Variants in INO80D observed in about 807,000 individuals in gnomAD.
The protein encoded by INO80D is INO80 complex subunit D.
INO80D carries 21 observed loss-of-function variants against 87.6 expected under a neutral mutation model. That is an observed-to-expected ratio of 0.24 (90% CI 0.17 to 0.35). The LOEUF is 0.35. Ranked by LOEUF, INO80D falls within the 10% of genes least tolerant of loss-of-function variation. INO80D has a pLI of 1.00. For synonymous variants in INO80D, 440 were observed against 491.0 expected, an observed-to-expected ratio of 0.90 and a Z score of 1.37; for missense variants, 982 against 1,280.7, an observed-to-expected ratio of 0.77 and a Z score of 3.56.
intron 5 of INO80D, among the ~76,000 whole-genome samples, chr2:206,037,625 T>C (rs986875820): frequency 1.3e-5 from 2 of 152,206 alleles, no homozygotes; most frequent in African/African-American, 4.8e-5. Context: ...TTGGTGGGAA[T>C]GTAATTAGTA....
intron 5 of INO80D, among the ~76,000 whole-genome samples, chr2:206,031,391 C>T (rs1291245257): frequency 6.6e-6 from 1 of 152,058 alleles, no homozygotes; most frequent in Admixed American, 6.5e-5. Context: ...AAACAGAAGT[C>T]TCATTCATAG....
In INO80D at chr2:205,997,360, A is replaced by T. The variant is rs1687827320; in HGVS notation, c.*7008T>A. On this transcript the variant is annotated 3_prime_UTR_variant, in exon 11 of 11. Coordinates refer to ENST00000403263, the MANE Select transcript of INO80D (RefSeq NM_017759.5). Reference sequence around the variant, plus strand: ...GAACTGAGTAAAAGTTTTTTGAAAAATTTTGGAAATAAATGAAATCACCCC... The same window carrying T: ...GAACTGAGTAAAAGTTTTTTGAAAATTTTTGGAAATAAATGAAATCACCCC... 1 of 152,044 alleles carries T rather than the reference A, an allele frequency of 6.6e-6. No individual in the cohort carries two copies. Among genetic ancestry groups the T allele is most frequent in the African/African-American group, 2.4e-5 (1 of 41,408 alleles). 9.4% of individuals were successfully genotyped at this position (152,044 alleles called of 1,614,324 possible). A position where few individuals can be genotyped will look rare whatever the true frequency, so the allele number is the denominator to read the frequency against.
rs1211307483 is a variant in INO80D, at chr2:206,003,991, GT to G, written c.*376del. ...GATCATTCTATCTAGAACCACCTATGTAAAAACCTGGCAACAGAATGGAAAG... is the reference window on the plus strand; with the variant it reads ...GATCATTCTATCTAGAACCACCTATGAAAAACCTGGCAACAGAATGGAAAG... On this transcript the variant is annotated 3_prime_UTR_variant, in exon 11 of 11. Transcript: ENST00000403263. 1 of 242,704 alleles carries G rather than the reference GT, an allele frequency of 4.1e-6. No homozygotes were observed. 15.0% of individuals were successfully genotyped at this position (242,704 alleles called of 1,614,324 possible). A position where few individuals can be genotyped will look rare whatever the true frequency, so the allele number is the denominator to read the frequency against.
rs1177669477 is a variant in INO80D, at chr2:206,056,333, G to C, written c.829C>G (p.Pro277Ala). 6.2e-7 allele frequency: 1 copy of C among 1,613,944 alleles called. No homozygotes were observed. Among genetic ancestry groups the C allele is most frequent in the Non-Finnish European group, 8.5e-7 (1 of 1,179,878 alleles). ...LPSSRAPTVD[P>A]PRTDRILMKA... ...ATGAGGATCCGGTCAGTCCTGGGTG[G>C]GTCCACAGTGGGAGCCCTACTGGAT... The change falls in exon 4 of 11, where the codon CCA becomes GCA. Residue 277 changes from proline (P) to alanine (A), a missense_variant. Pro to Ala is a conservative substitution (Grantham distance 27). Transcript: ENST00000403263.
Position 206,015,622 on chromosome 2 carries a change from C to T in INO80D, c.1542+2058G>A, listed in dbSNP as rs111678951. Among the ~76,000 whole-genome samples the T allele has an allele frequency of 8.5e-5, 13 of 152,264 alleles. No homozygotes were observed. The Middle Eastern group carries it at 0.01, about 120-fold the overall frequency. On this transcript the variant is annotated intron_variant, in intron 8 of 10. Coordinates refer to ENST00000403263, the MANE Select transcript of INO80D (RefSeq NM_017759.5). ...CAGTCTGTCTGGGCATGGTGGCTCA[C>T]GCCTGTAATCTCAGCACTATGGGAG... is the stretch of plus-strand genomic sequence containing the variant.
At chr2:206,052,675 C>T (rs1001662670) in intron 4 of INO80D, among the ~76,000 whole-genome samples, 12 of 151,818 alleles carry the variant, frequency 7.9e-5, no homozygotes, top group African/African-American at 2.9e-4. Context: ...GCCTATGGTC[C>T]CAGTGACTTG....
chr2:206,010,450 A>G (rs576665250), intron 8 of INO80D, among the ~76,000 whole-genome samples: 19 of 152,316 alleles, frequency 1.2e-4, no homozygotes, highest in African/African-American at 3.1e-4. Context: ...AAGCTCTTTA[A>G]TAAGTTGAAA....
intron 6 of INO80D, among the ~76,000 whole-genome samples, chr2:206,027,044 A>C (rs1168646206): frequency 6.6e-6 from 1 of 152,242 alleles, no homozygotes; most frequent in Non-Finnish European, 1.5e-5. Context: ...GATAAAAGGA[A>C]AAGAGCATTT....
chr2:206,065,606 G>A (rs1415423347), intron 1 of INO80D, among the ~76,000 whole-genome samples: 2 of 151,964 alleles, frequency 1.3e-5, no homozygotes, highest in Non-Finnish European at 2.9e-5. Context: ...GACAACCTAC[G>A]GAATGGGAGA....
chr2:206,056,748 G>A lies in INO80D; in HGVS notation c.414C>T (p.Val138=). The A allele has an allele frequency of 1.9e-6, 3 of 1,613,020 alleles. No individual in the cohort carries two copies. The highest frequency in any genetic ancestry group is 2.5e-6 in the Non-Finnish European group (3 of 1,179,414). Residue 138 remains valine (V), a synonymous_variant, in exon 4 of 11, where the codon GTC becomes GTT. Transcript: ENST00000403263. The stretch of plus-strand genomic sequence containing the variant: ...ATTCGGTTTCCAGGTAGTGGAGAGG[G>A]ACCCTTGCCCCAGGTGGAGAGAGGG... ...GMSLSPPGAR[V]PLHYLETELE... is the part of the protein sequence containing the mutation.
At chr2:206,055,510 T>C (rs549659498) in intron 4 of INO80D, among the ~76,000 whole-genome samples, 1 of 152,244 alleles carries the variant, frequency 6.6e-6, no homozygotes, top group Non-Finnish European at 1.5e-5. Context: ...GCTATGATCA[T>C]TCCTAGAATA....
rs1180739137 is a variant in INO80D, at chr2:205,995,363, GT to G, written c.*9004del. On this transcript the variant is annotated 3_prime_UTR_variant, in exon 11 of 11. Coordinates refer to ENST00000403263, the MANE Select transcript of INO80D (RefSeq NM_017759.5). ...AAAGGAAAAGGAAGATAAATAAATAGTGTGTGGATGTCTTTAGATGAGACTT... is the reference window on the plus strand; with the variant it reads ...AAAGGAAAAGGAAGATAAATAAATAGGTGTGGATGTCTTTAGATGAGACTT... The G allele has an allele frequency of 6.6e-6, 1 of 152,152 alleles. No individual in the cohort carries two copies. The highest frequency in any genetic ancestry group is 2.4e-5 in the African/African-American group (1 of 41,426). 9.4% of individuals were successfully genotyped at this position (152,152 alleles called of 1,614,324 possible).
rs1687907848 is a variant in INO80D at position 206,001,519 on chromosome 2, A to G, written c.*2849T>C. ...CATTCCAGTATTGCCTTGTGATAGC[A>G]TAAGTGCTATTTTAAAAGATACTAA... On this transcript the variant is annotated 3_prime_UTR_variant, in exon 11 of 11. Transcript: ENST00000403263. The G allele has an allele frequency of 6.6e-6, 1 of 152,220 alleles. No individual in the cohort carries two copies. Among genetic ancestry groups the G allele is most frequent in the African/African-American group, 2.4e-5 (1 of 41,454 alleles). The allele number at this position is 152,220 out of a possible 1,614,324, so 9.4% of individuals were successfully genotyped here. A position where few individuals can be genotyped will look rare whatever the true frequency, so the allele number is the denominator to read the frequency against.
chr2:206,005,041 C>T lies in INO80D; in HGVS notation c.2411G>A (p.Ser804Asn). ...TGAGGTGATTAGGTCATCTGCCTTG[C>T]TCAGCAGCTGGGCAGGATGTGGCCT... ...SQRPHPAQLL[S>N]KADDLITSRQ... Residue 804 changes from serine to asparagine, a missense_variant, in exon 11 of 11, where the codon AGC becomes AAC. By Grantham distance (46) the Ser-to-Asn change is conservative. Coordinates refer to ENST00000403263, the MANE Select transcript of INO80D (RefSeq NM_017759.5). 6.2e-7 allele frequency: 1 copy of T among 1,613,966 alleles called. No homozygotes were observed. Among genetic ancestry groups the T allele is most frequent in the South Asian group, 1.1e-5 (1 of 91,086 alleles).
At chr2:206,028,944 G>A (rs1357656517) in intron 5 of INO80D, among the ~76,000 whole-genome samples, 1 of 151,346 alleles carries the variant, frequency 6.6e-6, no homozygotes, top group African/African-American at 2.4e-5. Context: ...CTGGAGTGCA[G>A]TGATGCGATC....
chr2:206,062,651 T>C lies in INO80D; in HGVS notation c.218+148A>G. ...AAAAGTATTCCATAGATTACTTAGA[T>C]TACCCCCAGAATTCAACATTTATAT... On this transcript the variant is annotated intron_variant, in intron 3 of 10. Transcript: ENST00000403263. This position sits in a 1 kb window ranked among gnomAD's most constrained non-coding sequence, Gnocchi z 4.6. 1 of 663,156 alleles carries C rather than the reference T, an allele frequency of 1.5e-6. No individual in the cohort carries two copies. Among genetic ancestry groups the C allele is most frequent in the South Asian group, 2.1e-5 (1 of 47,926 alleles). The allele number at this position is 663,156 out of a possible 1,614,324, so 41.1% of individuals were successfully genotyped here.
At chr2:206,043,834 CACA>C (rs918392476) in intron 5 of INO80D, among the ~76,000 whole-genome samples, 54 of 152,164 alleles carry the variant, frequency 3.5e-4, no homozygotes, top group Admixed American at 3.1e-3. Context: ...TACACTGAAA[CACA>C]GCAAGGTACA....
At chr2:206,061,441 A>C (rs1187381976) in intron 3 of INO80D, among the ~76,000 whole-genome samples, 1 of 152,234 alleles carries the variant, frequency 6.6e-6, no homozygotes, top group Non-Finnish European at 1.5e-5. Flanking sequence ...TTGATGTAAA[A>C]AAAAATTAAT....
At chr2:206,050,291 G>A (rs1241227697) in intron 4 of INO80D, among the ~76,000 whole-genome samples, 4 of 151,720 alleles carry the variant, frequency 2.6e-5, no homozygotes, top group African/African-American at 4.8e-5. Context: ...AGGAGTTCAA[G>A]ACCAGCCTGG....
Sources: allele counts gnomAD v4.1 joint callset (sites outside exome capture counted in the v4.1 genomes callset), GRCh38; gene constraint gnomAD v4.1.1; non-coding constraint Gnocchi (gnomAD v3.1); transcripts MANE v1.5; gene names NCBI Gene and HGNC (gene_info 2026-07-23, HGNC 2026-07-21).